MAN1B1: variants seen among roughly 807,000 people sequenced by gnomAD.
The protein encoded by MAN1B1 is mannosidase alpha class 1B member 1.
MAN1B1 carries 66 observed loss-of-function variants against 75.5 expected under a neutral mutation model. The ratio of observed to expected loss-of-function variants is 0.87; its 90% CI spans 0.72 to 1.07. The LOEUF is 1.07. Ranked by LOEUF, MAN1B1 falls within the 50% of genes least tolerant of loss-of-function variation. The pLI is 0.00. For synonymous variants in MAN1B1, 453 were observed against 382.8 expected (o/e 1.18, Z -2.14); for missense variants, 973 against 912.5 (o/e 1.07, Z -0.85).
chr9:137,089,027 G>A (rs1830452055), intron 3 of MAN1B1, 22 bp downstream of exon 3: 1 of 1,613,766 alleles, frequency 6.2e-7, no homozygotes, highest in African/African-American at 1.3e-5. Flanking sequence ...AAATGGTGTG[G>A]GGTTATAACT....
intron 2 of MAN1B1, chr9:137,088,581 A>G: frequency 1.3e-6 from 1 of 772,964 alleles, no homozygotes; most frequent in South Asian, 1.6e-5. Context: ...TTCTCTTTGG[A>G]GCAAAGCTAA....
At position 137,087,009 on chromosome 9, in the gene MAN1B1, T is replaced by C; in HGVS notation, c.10T>C (p.Cys4Arg). The C allele has an allele frequency of 1.3e-6, 2 of 1,596,534 alleles. No individual in the cohort carries two copies. Among genetic ancestry groups the C allele is most frequent in the Non-Finnish European group, 1.7e-6 (2 of 1,173,548 alleles). Reference protein sequence around the residue: MAACEGRRSGALGS... With the variant: MAAREGRRSGALGS... ...TGTTGACGGCGCTGCGATGGCTGCC[T>C]GCGAGGGCAGGAGAAGCGGAGCTCT... Residue 4 changes from cysteine (C) to arginine (R), a missense_variant, in exon 1 of 13, where the codon TGC (cysteine) becomes CGC (arginine). By Grantham distance (180) the Cys-to-Arg change is radical. Transcript: ENST00000371589.
chr9:137,087,970 C>A (rs1357279166), intron 1 of MAN1B1, 105 bp from the exon 2 acceptor site: 1 of 941,378 alleles, frequency 1.1e-6, no homozygotes, highest in Non-Finnish European at 1.7e-6. Context: ...GAGCTGAACA[C>A]TGGATCTTCC....
At chr9:137,102,356 T>G in intron 8 of MAN1B1, 1 of 417,528 alleles carries the variant, frequency 2.4e-6, no homozygotes, top group Non-Finnish European at 4.6e-6. Context: ...TCGGTGGTGT[T>G]ACATTCACGC....
At chr9:137,104,088 CT>C (rs1831008786) in intron 8 of MAN1B1, 2 of 457,148 alleles carry the variant, frequency 4.4e-6, no homozygotes, top group Non-Finnish European at 8.8e-6. Context: ...CTCCAGAGCC[CT>C]TTTCATCTTA....
At chr9:137,094,685 C>T (rs752294286) in intron 3 of MAN1B1, among the ~76,000 whole-genome samples, 2 of 151,236 alleles carry the variant, frequency 1.3e-5, no homozygotes, top group African/African-American at 4.9e-5. Flanking sequence ...TCAAAACCAG[C>T]CTGGCCAACA....
intron 8 of MAN1B1, chr9:137,104,125 TG>T (rs1831010338): frequency 2.2e-6 from 1 of 452,918 alleles, no homozygotes; most frequent in African/African-American, 2.0e-5. Flanking sequence ...CATCACACAG[TG>T]ACCCTTCATG....
At chr9:137,092,217 G>T (rs924115450) in intron 3 of MAN1B1, among the ~76,000 whole-genome samples, 1 of 151,848 alleles carries the variant, frequency 6.6e-6, no homozygotes, top group East Asian at 1.9e-4. Context: ...AAAAAAATTA[G>T]CCAGGCACGA....
At chr9:137,090,751 C>T (rs551219797) in intron 3 of MAN1B1, among the ~76,000 whole-genome samples, 1 of 152,076 alleles carries the variant, frequency 6.6e-6, no homozygotes, top group Non-Finnish European at 1.5e-5. Flanking sequence ...GTTGGTCAGG[C>T]TGGTCTCGAA....
At chr9:137,094,188 G>A (rs1830594535) in intron 3 of MAN1B1, among the ~76,000 whole-genome samples, 1 of 151,560 alleles carries the variant, frequency 6.6e-6, no homozygotes, top group African/African-American at 2.4e-5. Flanking sequence ...CTAACTTTTT[G>A]ATTTTTTGTA....
At chr9:137,104,129 C>T in intron 8 of MAN1B1, 1 of 450,908 alleles carries the variant, frequency 2.2e-6, no homozygotes, top group South Asian at 1.6e-5. Flanking sequence ...ACACAGTGAC[C>T]CTTCATGTCC....
intron 3 of MAN1B1, among the ~76,000 whole-genome samples, chr9:137,089,843 T>TG (rs1226339573): frequency 6.6e-6 from 1 of 151,862 alleles, no homozygotes; most frequent in Non-Finnish European, 1.5e-5. Context: ...GGCTCTGGCT[T>TG]GGGGACACTG....
At chr9:137,088,221 T>C (rs1467208149) in intron 2 of MAN1B1, 38 bp downstream of exon 2, 1 of 1,613,892 alleles carries the variant, frequency 6.2e-7, no homozygotes, top group Non-Finnish European at 8.5e-7. Flanking sequence ...GATATCTGTG[T>C]TGAGGGTTGA....
Position 137,107,258 on chromosome 9 carries a change from G to A in MAN1B1, c.1575G>A (p.Leu525=). The A allele has an allele frequency of 6.2e-7, 1 of 1,612,914 alleles. No homozygotes were observed. The highest frequency in any genetic ancestry group is 1.3e-5 in the African/African-American group (1 of 75,062). The change falls in exon 11 of 13, where the codon CTG becomes CTA. Residue 525 remains leucine, a synonymous_variant. Transcript: ENST00000371589. ...AGACCCTCTGATTCCAGGACCACCT[G>A]GTGTGCTTCCTGCCAGGGACGCTGG... ...HGRFSAKMDH[L]VCFLPGTLAL... is the part of the protein sequence containing the mutation.
rs776341928 is a variant in MAN1B1, at chr9:137,108,686, C to T, written c.*95C>T. Reference sequence around the variant, plus strand: ...AGGGCCCACGTAGCACCGGCAACCGCCAAGTGGCCCAGGCTCTGAACTGGC... The same window carrying T: ...AGGGCCCACGTAGCACCGGCAACCGTCAAGTGGCCCAGGCTCTGAACTGGC... On this transcript the variant is annotated 3_prime_UTR_variant, in exon 13 of 13. Coordinates refer to ENST00000371589, the MANE Select transcript of MAN1B1 (RefSeq NM_016219.5). 1 of 1,163,202 alleles carries T rather than the reference C, an allele frequency of 8.6e-7. No homozygotes were observed. Among genetic ancestry groups the T allele is most frequent in the Non-Finnish European group, 1.3e-6 (1 of 776,142 alleles). The allele number at this position is 1,163,202 out of a possible 1,614,324, so 72.1% of individuals were successfully genotyped here.
intron 3 of MAN1B1, among the ~76,000 whole-genome samples, chr9:137,092,213 AT>A (rs1830534719): frequency 6.6e-6 from 1 of 151,950 alleles, no homozygotes; most frequent in Non-Finnish European, 1.5e-5. Context: ...AAAAAAAAAA[AT>A]TAGCCAGGCA....
chr9:137,109,031 C>T lies in MAN1B1; in HGVS notation c.*440C>T. On this transcript the variant is annotated 3_prime_UTR_variant, in exon 13 of 13. Transcript: ENST00000371589. The stretch of plus-strand genomic sequence containing the variant: ...CCGTGACTCCAGAGGCCTGAGGCTC[C>T]AGGGCTGGCTCTGGTGTTTACAAGC... 1 of 458,752 alleles carries T rather than the reference C, an allele frequency of 2.2e-6. No homozygotes were observed. Among genetic ancestry groups the T allele is most frequent in the South Asian group, 1.5e-5 (1 of 64,564 alleles). The allele number at this position is 458,752 out of a possible 1,614,324, so 28.4% of individuals were successfully genotyped here.
chr9:137,094,611 G>T (rs903997457), intron 3 of MAN1B1, among the ~76,000 whole-genome samples: 6 of 151,990 alleles, frequency 3.9e-5, no homozygotes, highest in Non-Finnish European at 8.8e-5. Context: ...AGGCATAGTG[G>T]CTCATGCCTG....
intron 8 of MAN1B1, chr9:137,102,943 G>A (rs539761052): frequency 3.9e-5 from 17 of 432,976 alleles, no homozygotes; most frequent in Middle Eastern, 3.5e-4. Context: ...CATGCAGGTC[G>A]GTGGTGTTAC....
Sources: allele counts gnomAD v4.1 joint callset (sites outside exome capture counted in the v4.1 genomes callset), GRCh38; gene constraint gnomAD v4.1.1; transcripts MANE v1.5; gene names NCBI Gene and HGNC (gene_info 2026-07-23, HGNC 2026-07-21).